LTBP1: variants seen among roughly 807,000 people sequenced by gnomAD.
LTBP1 encodes latent transforming growth factor beta binding protein 1.
A neutral mutation model predicts 207.6 loss-of-function variants in LTBP1; 129 were observed. The ratio of observed to expected loss-of-function variants is 0.62; its 90% confidence interval spans 0.54 to 0.72. The LOEUF is 0.72. Ranked by LOEUF, LTBP1 falls within the 30% of genes least tolerant of loss-of-function variation. The pLI is 0.00. For synonymous variants in LTBP1, 963 were observed against 833.7 expected (o/e 1.16, Z -2.67); for missense variants, 2,281 against 2,217.2 (o/e 1.03, Z -0.58).
At chr2:33,202,527 T>C (rs1392255180) in intron 7 of LTBP1, among the ~76,000 whole-genome samples, 1 of 152,238 alleles carries the variant, frequency 6.6e-6, no homozygotes, top group Non-Finnish European at 1.5e-5. Flanking sequence ...AAATCTATGA[T>C]TACAAAACAA....
In LTBP1 at chr2:33,378,185, ATGTGTGTGTGTGTG is replaced by A. The variant is rs57388002; in HGVS notation, c.4712-10975_4712-10962del. ...ACATTTTACTTTCATATATATATAT[ATGTGTGTGTGTGTG>A]TGTGTGTGTGTGTGTGTGTGTGTTT... On this transcript the variant is annotated intron_variant, in intron 31 of 33. Transcript: ENST00000404816. 1.3e-3 allele frequency among the ~76,000 whole-genome samples: 177 copies of A among 132,042 alleles called. 1 individual carries two copies. In the East Asian group the frequency reaches 0.035, roughly 26 times the overall value. 86.6% of individuals were successfully genotyped at this position (132,042 alleles called of 152,430 possible).
intron 9 of LTBP1, among the ~76,000 whole-genome samples, chr2:33,239,152 C>CAG (rs1338820282): frequency 6.6e-6 from 1 of 152,178 alleles, no homozygotes; most frequent in Non-Finnish European, 1.5e-5. Context: ...GCTATACAGG[C>CAG]AGAGATACCT....
chr2:33,307,207 A>G (rs1363419434), intron 22 of LTBP1, among the ~76,000 whole-genome samples: 2 of 152,258 alleles, frequency 1.3e-5, no homozygotes, highest in African/African-American at 4.8e-5. Flanking sequence ...TGTAATTGCT[A>G]CAGCCACTTC....
chr2:33,050,331 T>G (rs572565316), intron 3 of LTBP1, among the ~76,000 whole-genome samples: 1 of 152,034 alleles, frequency 6.6e-6, no homozygotes, highest in East Asian at 1.9e-4. Flanking sequence ...CAGGTGACAA[T>G]ATGGGTTGAG....
chr2:33,123,037 A>ACTTTTCCTCACCCTCTTTATAG (rs2081235351), intron 4 of LTBP1, among the ~76,000 whole-genome samples: 3 of 152,154 alleles, frequency 2.0e-5, no homozygotes, highest in African/African-American at 7.2e-5. Flanking sequence ...CAGCTGCTCA[A>ACTTTTCCTCACCCTCTTTATAG]CTTTTCCTCA....
chr2:33,396,653 G>T (rs1326950640), intron 32 of LTBP1, among the ~76,000 whole-genome samples: 1 of 152,166 alleles, frequency 6.6e-6, no homozygotes, highest in African/African-American at 2.4e-5. Context: ...CAAACACATG[G>T]CAGAGCCAGC....
chr2:33,249,387 A>G (rs1227095736), intron 10 of LTBP1, among the ~76,000 whole-genome samples: 1 of 151,568 alleles, frequency 6.6e-6, no homozygotes, highest in African/African-American at 2.4e-5. Context: ...TCCAGCATAA[A>G]TGGGTTAATA....
intron 3 of LTBP1, among the ~76,000 whole-genome samples, chr2:33,036,100 C>T (rs900434093): frequency 1.4e-4 from 22 of 152,150 alleles, no homozygotes; most frequent in African/African-American, 4.8e-4. Context: ...TTTTCTTGCT[C>T]AAGGTGTTTT....
intron 4 of LTBP1, among the ~76,000 whole-genome samples, chr2:33,113,925 C>T (rs2080566488): frequency 6.6e-6 from 1 of 152,222 alleles, no homozygotes; most frequent in Non-Finnish European, 1.5e-5. Flanking sequence ...ACCACAACCT[C>T]TGCCTCCCAG....
chr2:33,164,954 C>T (rs1558736415), intron 5 of LTBP1, among the ~76,000 whole-genome samples: 1 of 152,166 alleles, frequency 6.6e-6, no homozygotes, highest in Non-Finnish European at 1.5e-5. Context: ...AAAGCAAGTA[C>T]ATAAGAGTGG....
chr2:33,195,102 C>G (rs1179695532), intron 7 of LTBP1, among the ~76,000 whole-genome samples: 3 of 152,138 alleles, frequency 2.0e-5, no homozygotes, highest in African/African-American at 7.2e-5. Context: ...GACAATGTAC[C>G]TGGTCACTCA....
At chr2:33,170,006 A>G (rs1246397252) in intron 5 of LTBP1, among the ~76,000 whole-genome samples, 1 of 152,248 alleles carries the variant, frequency 6.6e-6, no homozygotes, top group East Asian at 1.9e-4. Context: ...ATTTAGAAAT[A>G]AAATCCAGGG....
intron 20 of LTBP1, among the ~76,000 whole-genome samples, chr2:33,297,374 G>A (rs1161385088): frequency 6.6e-6 from 1 of 151,712 alleles, no homozygotes; most frequent in Non-Finnish European, 1.5e-5. Context: ...GCTTCTACAC[G>A]TCAGAGCTAG....
intron 3 of LTBP1, among the ~76,000 whole-genome samples, chr2:33,085,151 A>G (rs142117000): frequency 1.3e-5 from 2 of 152,288 alleles, no homozygotes; most frequent in East Asian, 3.9e-4. Flanking sequence ...TGGAGCCCCT[A>G]GAAGCTGGAA....
intron 9 of LTBP1, among the ~76,000 whole-genome samples, chr2:33,231,500 T>C (rs1333652768): frequency 2.6e-5 from 4 of 152,202 alleles, no homozygotes; most frequent in Admixed American, 6.5e-5. Flanking sequence ...TAAGGACTTT[T>C]TGGCTACAAA....
chr2:33,057,951 AGCGAGGGCT>A (rs1421067033), intron 3 of LTBP1, among the ~76,000 whole-genome samples: 2 of 152,378 alleles, frequency 1.3e-5, no homozygotes, highest in Admixed American at 6.5e-5. Context: ...GCCAAGAGCG[AGCGAGGGCT>A]GCGAGGGCTG....
intron 5 of LTBP1, among the ~76,000 whole-genome samples, chr2:33,182,602 C>T (rs1230371399): frequency 1.3e-5 from 2 of 149,100 alleles, no homozygotes; most frequent in Admixed American, 6.7e-5. Flanking sequence ...GCGGAGCTTG[C>T]AGTGAGCCGA....
intron 10 of LTBP1, among the ~76,000 whole-genome samples, chr2:33,247,059 T>C (rs1241359381): frequency 1.3e-5 from 2 of 152,220 alleles, no homozygotes; most frequent in African/African-American, 4.8e-5. Flanking sequence ...GGATGAGTGC[T>C]GCTGAGAATG....
chr2:32,990,364 A>G (rs1355985629), intron 2 of LTBP1, among the ~76,000 whole-genome samples: 1 of 152,224 alleles, frequency 6.6e-6, no homozygotes, highest in Non-Finnish European at 1.5e-5. Context: ...CTCAAATTAC[A>G]TGGAAGCAAA....
Sources: allele counts gnomAD v4.1 joint callset (sites outside exome capture counted in the v4.1 genomes callset), GRCh38; gene constraint gnomAD v4.1.1; transcripts MANE v1.5; gene names NCBI Gene and HGNC (gene_info 2026-07-23, HGNC 2026-07-21).